The following FHIT variants were observed in gnomAD, a reference collection of about 807,000 sequenced individuals.
The protein encoded by FHIT is bis(5'-adenosyl)-triphosphatase.
Under a neutral mutation model 17.9 loss-of-function variants are expected in FHIT, and 19 were observed. The ratio of observed to expected loss-of-function variants is 1.06; its 90% confidence interval spans 0.74 to 1.56. FHIT has a LOEUF of 1.56. Among genes scored for constraint, FHIT ranks in the 40% most tolerant of loss-of-function variants. The probability of loss-of-function intolerance (pLI) is 0.00; values close to 1 mark genes in which losing one functional copy is unlikely to be tolerated. For missense variants in FHIT, 248 were observed against 189.2 expected, an observed-to-expected ratio of 1.31 and a Z score of -1.82; for synonymous variants, 81 against 69.7, an observed-to-expected ratio of 1.16 and a Z score of -0.81.
intron 4 of FHIT, among the ~76,000 whole-genome samples, chr3:60,669,523 T>C (rs1553693337): frequency 6.6e-6 from 1 of 152,106 alleles, no homozygotes; most frequent in African/African-American, 2.4e-5. Flanking sequence ...CACACTAACA[T>C]ACACATACAT....
chr3:60,469,091 T>C (rs2032949431), intron 5 of FHIT, among the ~76,000 whole-genome samples: 1 of 152,138 alleles, frequency 6.6e-6, no homozygotes, highest in African/African-American at 2.4e-5. Flanking sequence ...TTAGGATCCT[T>C]TCTTTATCTT....
In FHIT at chr3:60,046,117, A is replaced by G. The variant is rs145145654; in HGVS notation, c.104-31965T>C. 2.7e-4 allele frequency among the ~76,000 whole-genome samples: 41 copies of G among 152,328 alleles called. No individual in the cohort carries two copies. The East Asian group carries it at 3.1e-3, about 11-fold the overall frequency. Reference sequence around the variant, plus strand: ...CATATATGAATACTTCTAGGCAGGCATTGGGTCATATGTGTAAAACGAAAG... The same window carrying G: ...CATATATGAATACTTCTAGGCAGGCGTTGGGTCATATGTGTAAAACGAAAG... On this transcript the variant is annotated intron_variant, in intron 5 of 9. Transcript: ENST00000492590.
chr3:60,619,772 AT>A (rs1392808752), intron 4 of FHIT, among the ~76,000 whole-genome samples: 13 of 152,298 alleles, frequency 8.5e-5, no homozygotes, highest in African/African-American at 3.1e-4. Context: ...GTGACTTTTT[AT>A]ATATAATACC....
At chr3:60,357,054 C>A (rs1362861469) in intron 5 of FHIT, among the ~76,000 whole-genome samples, 2 of 152,116 alleles carry the variant, frequency 1.3e-5, no homozygotes, top group Non-Finnish European at 2.9e-5. Context: ...GGTTCTAGTT[C>A]AAATTACGTT....
intron 5 of FHIT, among the ~76,000 whole-genome samples, chr3:60,420,886 C>G (rs1489392052): frequency 1.3e-5 from 2 of 152,112 alleles, no homozygotes; most frequent in Non-Finnish European, 1.5e-5. Context: ...TTCTGGCTTG[C>G]CTTCCATCTC....
At chr3:61,035,646 G>T (rs1397203202) in intron 3 of FHIT, among the ~76,000 whole-genome samples, 1 of 152,122 alleles carries the variant, frequency 6.6e-6, no homozygotes, top group Non-Finnish European at 1.5e-5. Context: ...CTTGGCTTTA[G>T]CTTTCTCATA....
chr3:61,173,450 T>C (rs992640747), intron 2 of FHIT, among the ~76,000 whole-genome samples: 2 of 152,198 alleles, frequency 1.3e-5, no homozygotes, highest in African/African-American at 4.8e-5. Context: ...CCTGTGGTAT[T>C]TATTATTGTT....
intron 4 of FHIT, among the ~76,000 whole-genome samples, chr3:60,641,006 C>T (rs1356957550): frequency 6.6e-6 from 1 of 151,836 alleles, no homozygotes; most frequent in African/African-American, 2.4e-5. Flanking sequence ...ATGGTGAAAC[C>T]CTGTCTTTAC....
chr3:60,212,747 A>T (rs1225589231), intron 5 of FHIT, among the ~76,000 whole-genome samples: 1 of 152,184 alleles, frequency 6.6e-6, no homozygotes, highest in Non-Finnish European at 1.5e-5. Context: ...AGGAAATAAT[A>T]CTGGGCCTGG....
intron 8 of FHIT, among the ~76,000 whole-genome samples, chr3:59,806,357 C>A (rs961692241): frequency 3.3e-5 from 5 of 152,090 alleles, no homozygotes; most frequent in African/African-American, 4.8e-5. Flanking sequence ...GGGAGACAAA[C>A]ACTTGACTAT....
chr3:61,051,188 A>G (rs1478823320), intron 2 of FHIT, among the ~76,000 whole-genome samples: 1 of 152,218 alleles, frequency 6.6e-6, no homozygotes, highest in Non-Finnish European at 1.5e-5. Flanking sequence ...GTCTATGACA[A>G]TGAGATTTTC....
intron 2 of FHIT, among the ~76,000 whole-genome samples, chr3:61,127,000 G>T (rs150199867): frequency 6.6e-6 from 1 of 152,110 alleles, no homozygotes; most frequent in Non-Finnish European, 1.5e-5. Context: ...AGGAAGGGAG[G>T]TCAGAGAACC....
chr3:60,443,491 G>T (rs1265518358), intron 5 of FHIT, among the ~76,000 whole-genome samples: 2 of 152,114 alleles, frequency 1.3e-5, no homozygotes, highest in Non-Finnish European at 2.9e-5. Context: ...AAGGGCTGTT[G>T]AATTTTATCA....
At chr3:60,587,469 T>C (rs1167480901) in intron 4 of FHIT, among the ~76,000 whole-genome samples, 1 of 151,992 alleles carries the variant, frequency 6.6e-6, no homozygotes, top group African/African-American at 2.4e-5. Flanking sequence ...ATATGTAACA[T>C]GTAACAAACC....
At chr3:60,717,216 T>A (rs2041705134) in intron 4 of FHIT, among the ~76,000 whole-genome samples, 1 of 152,150 alleles carries the variant, frequency 6.6e-6, no homozygotes. Context: ...AAGTAAGTTT[T>A]GGAGATCTAT....
chr3:61,167,880 G>A (rs1199477849), intron 2 of FHIT, among the ~76,000 whole-genome samples: 1 of 152,096 alleles, frequency 6.6e-6, no homozygotes, highest in Non-Finnish European at 1.5e-5. Flanking sequence ...TTACAACAAA[G>A]GAAACCCAAT....
chr3:60,712,172 A>AAACT (rs1260263870), intron 4 of FHIT, among the ~76,000 whole-genome samples: 13 of 152,280 alleles, frequency 8.5e-5, no homozygotes, highest in East Asian at 3.9e-4. Context: ...CCAGCCAAAC[A>AAACT]AACTAAGCTT....
chr3:60,767,086 T>C (rs1319712038), intron 4 of FHIT, among the ~76,000 whole-genome samples: 3 of 152,176 alleles, frequency 2.0e-5, no homozygotes, highest in Admixed American at 2.0e-4. Context: ...AAAACTTACG[T>C]CTTGAATTGA....
chr3:60,121,417 G>A (rs998460274), intron 5 of FHIT, among the ~76,000 whole-genome samples: 1 of 152,122 alleles, frequency 6.6e-6, no homozygotes, highest in African/African-American at 2.4e-5. Context: ...CGGGCACAGT[G>A]GCTCATCCCT....
Sources: gnomAD v4.1 joint callset for allele counts (sites outside exome capture counted in the v4.1 genomes callset) on GRCh38, gnomAD v4.1.1 for gene constraint, MANE v1.5 for transcripts, NCBI Gene and HGNC (gene_info 2026-07-23, HGNC 2026-07-21) for gene names.